The following CSMD2 variants were observed in gnomAD, a reference collection of about 807,000 sequenced individuals.
CSMD2 encodes CUB and sushi domain-containing protein 2.
CSMD2 carries 130 observed loss-of-function variants against 398.5 expected under a neutral mutation model. The observed-to-expected ratio is 0.33, with a 90% CI of 0.28 to 0.38. The LOEUF (loss-of-function observed/expected upper bound fraction) is 0.38, where lower values mean the gene tolerates loss of function less well. Among genes scored for constraint, CSMD2 ranks in the 10% least tolerant of loss-of-function variants. CSMD2 has a pLI of 1.00. For synonymous variants in CSMD2, 1,828 were observed against 1,908.5 expected (o/e 0.96, Z 1.10); for missense variants, 3,829 against 4,764.9 (o/e 0.80, Z 5.78).
At chr1:34,058,701 A>G (rs1338884093) in intron 2 of CSMD2, among the ~76,000 whole-genome samples, 1 of 152,046 alleles carries the variant, frequency 6.6e-6, no homozygotes, top group Non-Finnish European at 1.5e-5. Context: ...TGGGCTGCCC[A>G]CCCTGGTTGA....
chr1:33,804,993 C>T, intron 10 of CSMD2: 1 of 680,968 alleles, frequency 1.5e-6, no homozygotes. Context: ...AAACACTGCT[C>T]TGCACACTCT....
In CSMD2 at chr1:33,600,850, G is replaced by C. The variant is rs202133923; in HGVS notation, c.6856+15C>G. 8 of 1,613,958 alleles carry C rather than the reference G, an allele frequency of 5.0e-6. No individual in the cohort carries two copies. The African/African-American group carries it at 9.3e-5, about 19-fold the overall frequency. On this transcript the variant is annotated intron_variant, in intron 44 of 70. Coordinates refer to ENST00000373381, the MANE Select transcript of CSMD2 (RefSeq NM_001281956.2). Reference sequence around the variant, plus strand: ...AAGCCTGGCCCTTCCCACCAGGCCAGGCTTCCATACTGACCGGAGAAAGCT... The same window carrying C: ...AAGCCTGGCCCTTCCCACCAGGCCACGCTTCCATACTGACCGGAGAAAGCT...
chr1:33,828,571 C>A (rs970134256), intron 6 of CSMD2, among the ~76,000 whole-genome samples: 1 of 152,136 alleles, frequency 6.6e-6, no homozygotes, highest in African/African-American at 2.4e-5. Context: ...ACCACAGAGG[C>A]CATTCCCAGG....
intron 2 of CSMD2, among the ~76,000 whole-genome samples, chr1:34,070,388 C>T (rs553053115): frequency 1.3e-5 from 2 of 152,202 alleles, no homozygotes; most frequent in Admixed American, 6.5e-5. Flanking sequence ...TCCCGCCCTC[C>T]ACAGGCTCCT....
At chr1:34,089,214 A>C (rs1484388181) in intron 1 of CSMD2, 21 bp from the exon 2 acceptor site, 5 of 1,603,186 alleles carry the variant, frequency 3.1e-6, no homozygotes, top group Admixed American at 3.4e-5. Context: ...GAAATGGAGC[A>C]GTTCAGAATA....
At chr1:33,891,470 C>G (rs2125207837) in intron 5 of CSMD2, among the ~76,000 whole-genome samples, 1 of 151,656 alleles carries the variant, frequency 6.6e-6, no homozygotes, top group East Asian at 1.9e-4. Context: ...ACTAGTTCAA[C>G]CACTGTGGAA....
chr1:33,736,442 C>T (rs948961227), intron 15 of CSMD2, among the ~76,000 whole-genome samples: 2 of 151,744 alleles, frequency 1.3e-5, no homozygotes, highest in African/African-American at 4.8e-5. Flanking sequence ...GATCACGCCA[C>T]TGCACTCCAG....
intron 58 of CSMD2, 21 bp from the exon 59 acceptor site, chr1:33,541,330 C>T (rs755066908): frequency 1.2e-5 from 20 of 1,604,120 alleles, no homozygotes; most frequent in Non-Finnish European, 1.7e-5. Context: ...AGAGATATAG[C>T]ATTGTTCACT....
At chr1:33,854,020 T>C (rs1224316958) in intron 5 of CSMD2, among the ~76,000 whole-genome samples, 1 of 152,236 alleles carries the variant, frequency 6.6e-6, no homozygotes, top group African/African-American at 2.4e-5. Flanking sequence ...CTATTTTGAA[T>C]GTTCCCAACA....
intron 7 of CSMD2, 50 bp downstream of exon 7, chr1:33,825,647 G>A (rs1471611930): frequency 1.3e-6 from 2 of 1,524,200 alleles, no homozygotes; most frequent in African/African-American, 1.4e-5. Flanking sequence ...GCCTGCACGT[G>A]TGACCTCAAG....
intron 9 of CSMD2, among the ~76,000 whole-genome samples, chr1:33,812,625 T>C (rs1424231803): frequency 6.8e-6 from 1 of 148,110 alleles, no homozygotes; most frequent in East Asian, 2.0e-4. Flanking sequence ...TAAATCCATT[T>C]GCTGGTCGCT....
chr1:33,671,649 G>A (rs565406358), intron 25 of CSMD2, among the ~76,000 whole-genome samples: 4 of 152,060 alleles, frequency 2.6e-5, no homozygotes, highest in South Asian at 2.1e-4. Context: ...CCTCACTCCC[G>A]TACCTCTTCC....
At chr1:33,648,234 C>T (rs1371023654) in intron 28 of CSMD2, among the ~76,000 whole-genome samples, 1 of 151,992 alleles carries the variant, frequency 6.6e-6, no homozygotes, top group African/African-American at 2.4e-5. Context: ...TGGTGGTGGG[C>T]ACCTGTAGTC....
At chr1:33,752,116 G>T (rs1245001938) in intron 13 of CSMD2, among the ~76,000 whole-genome samples, 1 of 152,172 alleles carries the variant, frequency 6.6e-6, no homozygotes, top group East Asian at 1.9e-4. Context: ...TTAAACAGTG[G>T]ATTGCAACCC....
chr1:33,973,520 G>C (rs759136415), intron 3 of CSMD2, among the ~76,000 whole-genome samples: 1 of 152,182 alleles, frequency 6.6e-6, no homozygotes, highest in Admixed American at 6.5e-5. Flanking sequence ...CTGCCCCAGG[G>C]GACTCCCAGG....
At chr1:34,150,989 G>C (rs1375455037) in intron 1 of CSMD2, among the ~76,000 whole-genome samples, 1 of 152,260 alleles carries the variant, frequency 6.6e-6, no homozygotes, top group Middle Eastern at 3.4e-3. Flanking sequence ...TAAAGGGGGG[G>C]CGGGGGATGC....
chr1:33,852,445 C>T (rs949120773), intron 5 of CSMD2, among the ~76,000 whole-genome samples: 1 of 152,228 alleles, frequency 6.6e-6, no homozygotes, highest in Admixed American at 6.5e-5. Context: ...TCCTGGAATG[C>T]GACTAGTACT....
At chr1:33,566,318 A>C (rs909386401) in intron 53 of CSMD2, among the ~76,000 whole-genome samples, 5 of 147,434 alleles carry the variant, frequency 3.4e-5, no homozygotes, top group South Asian at 2.2e-4. Context: ...AAAAAAAAAA[A>C]CAACCAAATA....
intron 15 of CSMD2, among the ~76,000 whole-genome samples, chr1:33,728,709 T>C (rs977542983): frequency 1.9e-4 from 29 of 152,218 alleles, no homozygotes; most frequent in Non-Finnish European, 2.1e-4. Context: ...TGTGTATCGA[T>C]AACTTACTAT....
Sources: allele counts gnomAD v4.1 joint callset (sites outside exome capture counted in the v4.1 genomes callset), GRCh38; gene constraint gnomAD v4.1.1; transcripts MANE v1.5; gene names NCBI Gene and HGNC (gene_info 2026-07-23, HGNC 2026-07-21).